The following PTPRS variants were observed in gnomAD, a reference collection of about 807,000 sequenced individuals.
PTPRS encodes protein tyrosine phosphatase receptor type S.
PTPRS carries 63 observed loss-of-function variants against 215.3 expected under a neutral mutation model. That is an observed-to-expected ratio of 0.29 (90% CI 0.24 to 0.36). The LOEUF is 0.36. Among genes scored for constraint, PTPRS ranks in the 10% least tolerant of loss-of-function variants. The pLI is 1.00. For missense variants in PTPRS, 2,258 were observed against 2,825.8 expected (o/e 0.80, Z 4.56); for synonymous variants, 1,404 against 1,191.4 (o/e 1.18, Z -3.68).
Position 5,218,479 on chromosome 19 carries a change from A to AG in PTPRS, c.3988dup (p.Leu1330ProfsTer16). The AG allele has an allele frequency of 6.2e-7, 1 of 1,614,060 alleles. No individual in the cohort carries two copies. Among genetic ancestry groups the AG allele is most frequent in the Non-Finnish European group, 8.5e-7 (1 of 1,180,004 alleles). ...AGGGTCCTTGGGGTGGTGAGGGGCG[A>AG]GGTCGGCATTGTTCAGGAGGCATTT... On this transcript the variant is annotated frameshift_variant, in exon 25 of 38. Transcript: ENST00000262963. LOFTEE classifies it high-confidence loss of function.
intron 1 of PTPRS, among the ~76,000 whole-genome samples, chr19:5,301,317 G>GT (rs200496781): frequency 0.21 from 28,856 of 137,368 alleles, 3,215 homozygotes; most frequent in Middle Eastern, 0.26. Flanking sequence ...AGTTGTTGCT[G>GT]TTTTTTTTTT....
intron 12 of PTPRS, among the ~76,000 whole-genome samples, chr19:5,239,626 CAG>C (rs1461452650): frequency 1.4e-5 from 2 of 147,738 alleles, no homozygotes; most frequent in African/African-American, 2.5e-5. Context: ...GAGAGACAGA[CAG>C]AAACGGAGGA....
At chr19:5,302,462 C>T (rs1159999398) in intron 1 of PTPRS, among the ~76,000 whole-genome samples, 2 of 152,108 alleles carry the variant, frequency 1.3e-5, no homozygotes, top group Admixed American at 1.3e-4. Flanking sequence ...AAGGAAGACC[C>T]AAAAGATTCT....
intron 4 of PTPRS, among the ~76,000 whole-genome samples, chr19:5,268,728 G>A (rs2046643515): frequency 6.6e-6 from 1 of 152,198 alleles, no homozygotes. Context: ...TCTCCTCCAA[G>A]CCTTTTCCAT....
In PTPRS at chr19:5,340,724, A is replaced by G. The variant is rs1006649562; in HGVS notation, c.-155T>C. 1.4e-5 allele frequency: 2 copies of G among 146,672 alleles called. No homozygotes were observed. Among genetic ancestry groups the G allele is most frequent in the African/African-American group, 5.1e-5 (2 of 39,198 alleles). 9.1% of individuals were successfully genotyped at this position (146,672 alleles called of 1,614,324 possible). A position where few individuals can be genotyped will look rare whatever the true frequency, so the allele number is the denominator to read the frequency against. The stretch of plus-strand genomic sequence containing the variant: ...CCCCGCTTCACATCGTGGCTGTTGC[A>G]TGGGATCCGAGCGGAGCCCGAGCGC... On this transcript the variant is annotated 5_prime_UTR_variant, in exon 1 of 38. It removes an upstream start codon present in the reference 5' UTR. Coordinates refer to ENST00000262963, the MANE Select transcript of PTPRS (RefSeq NM_002850.4).
intron 9 of PTPRS, among the ~76,000 whole-genome samples, chr19:5,246,947 A>G (rs1237196888): frequency 1.3e-5 from 2 of 149,506 alleles, no homozygotes; most frequent in Non-Finnish European, 3.0e-5. Flanking sequence ...GGAGGGAGGA[A>G]CTGCAGGGGG....
chr19:5,298,650 A>T (rs1237227152), intron 1 of PTPRS, among the ~76,000 whole-genome samples: 2 of 152,180 alleles, frequency 1.3e-5, no homozygotes, highest in Non-Finnish European at 1.5e-5. Flanking sequence ...TTCACATCAC[A>T]GCCCTGGCGC....
rs2042844631 is a variant in PTPRS at position 5,229,631 on chromosome 19, T to C, written c.2209A>G (p.Ile737Val). 3 of 1,361,022 alleles carry C rather than the reference T, an allele frequency of 2.2e-6. No individual in the cohort carries two copies. The highest frequency in any genetic ancestry group is 2.8e-6 in the Non-Finnish European group (3 of 1,060,476). 84.3% of individuals were successfully genotyped at this position (1,361,022 alleles called of 1,614,324 possible). A position where few individuals can be genotyped will look rare whatever the true frequency, so the allele number is the denominator to read the frequency against. The change falls in exon 15 of 38, where the codon ATC (isoleucine) becomes GTC (valine). Residue 737 changes from isoleucine to valine, a missense_variant. Around this residue, in one of 6 missense-constraint regions of PTPRS, gnomAD observed 371 missense variants for 446.7 expected, o/e 0.83. Coordinates refer to ENST00000262963, the MANE Select transcript of PTPRS (RefSeq NM_002850.4). ...VEAEALNATA[I>V]RVLWRSPAPG... ...GCGGGCGAGCGCCACAGCACGCGGA[T>C]GGCCGTGGCGTTGAGCGCCTCCGCC...
At chr19:5,302,783 C>A (rs1036699272) in intron 1 of PTPRS, among the ~76,000 whole-genome samples, 3 of 151,580 alleles carry the variant, frequency 2.0e-5, no homozygotes, top group African/African-American at 7.3e-5. Flanking sequence ...CTCGGCCAGG[C>A]GTGGTGGCTC....
intron 16 of PTPRS, among the ~76,000 whole-genome samples, chr19:5,226,732 G>A (rs527354512): frequency 7.1e-6 from 1 of 140,336 alleles, no homozygotes; most frequent in East Asian, 1.9e-4. Flanking sequence ...CTGGGTGACA[G>A]AGCAAGACTG....
rs1236534330 is a variant in PTPRS, at chr19:5,216,712, G to A, written c.4096+8C>T. 6.4e-7 allele frequency: 1 copy of A among 1,558,396 alleles called. No individual in the cohort carries two copies. The highest frequency in any genetic ancestry group is 1.2e-5 in the South Asian group (1 of 84,978). ...GAAAGGAAGCCAAAAACAGACACAA[G>A]AACTAACTTTCAAAGTGAAACCCCG... is the stretch of plus-strand genomic sequence containing the variant. On this transcript the variant is annotated splice_region_variant and intron_variant, in intron 26 of 37. Transcript: ENST00000262963.
rs771529966 is a variant in PTPRS, at chr19:5,229,321, C to CG, written c.2370dup (p.Glu791ArgfsTer3). Reference sequence around the variant, plus strand: ...TGGCCAGGGGCGCTACTTACATATTCGGCCGTGTCATCCGTCTCCCACTGA... The same window carrying CG: ...TGGCCAGGGGCGCTACTTACATATTCGGGCCGTGTCATCCGTCTCCCACTGA... On this transcript the variant is annotated frameshift_variant, in exon 16 of 38. Transcript: ENST00000262963. LOFTEE classifies it high-confidence loss of function. 5.8e-6 allele frequency: 8 copies of CG among 1,379,802 alleles called. No homozygotes were observed. The Admixed American group carries it at 2.5e-4, about 42-fold the overall frequency. 85.5% of individuals were successfully genotyped at this position (1,379,802 alleles called of 1,614,324 possible). A position where few individuals can be genotyped will look rare whatever the true frequency, so the allele number is the denominator to read the frequency against.
At chr19:5,228,345 G>GAAAAAAAAAAAA (rs1491502602) in intron 16 of PTPRS, among the ~76,000 whole-genome samples, 4,404 of 32,462 alleles carry the variant, frequency 0.14, 333 homozygotes, top group African/African-American at 0.22. Context: ...ACTCCGTCTG[G>GAAAAAAAAAAAA]AGAAAAAAAA....
chr19:5,222,734 G>T lies in PTPRS; in HGVS notation c.3058C>A (p.Pro1020Thr), dbSNP rs1306524101. The T allele has an allele frequency of 3.1e-6, 5 of 1,597,602 alleles. No homozygotes were observed. The Admixed American group carries it at 6.7e-5, about 21-fold the overall frequency. Reference sequence around the variant, plus strand: ...CGGTAGCGGACGGGGGGGCTGAAGGGGCCAGGGCCCCGGCGCGTGTGGGCT... The same window carrying T: ...CGGTAGCGGACGGGGGGGCTGAAGGTGCCAGGGCCCCGGCGCGTGTGGGCT... ...VRAHTRRGPG[P>T]FSPPVRYRTF... The change falls in exon 18 of 38, where the codon CCC becomes ACC. Residue 1020 changes from proline (P) to threonine (T), a missense_variant. This residue lies in a region of PTPRS where 361 missense variants were observed against 332.6 expected (regional missense o/e 1.09). Coordinates refer to ENST00000262963, the MANE Select transcript of PTPRS (RefSeq NM_002850.4).
chr19:5,277,078 G>C (rs4992198), intron 2 of PTPRS, among the ~76,000 whole-genome samples: 49,007 of 138,610 alleles, frequency 0.35, 8,635 homozygotes, highest in Admixed American at 0.42. Flanking sequence ...TTTTTTTTAA[G>C]AGACTGAGTC....
chr19:5,321,598 G>A (rs895709958), intron 1 of PTPRS, among the ~76,000 whole-genome samples: 3 of 152,244 alleles, frequency 2.0e-5, no homozygotes, highest in African/African-American at 4.8e-5. Context: ...CCCACTGTGT[G>A]CCAGGCCCAG....
intron 11 of PTPRS, among the ~76,000 whole-genome samples, chr19:5,241,737 C>T (rs1264345576): frequency 6.6e-6 from 1 of 152,186 alleles, no homozygotes. Flanking sequence ...AAGGGTCAAA[C>T]ACTCCCAGAG....
intron 13 of PTPRS, among the ~76,000 whole-genome samples, chr19:5,232,082 T>C (rs989536554): frequency 6.6e-6 from 1 of 151,736 alleles, no homozygotes; most frequent in African/African-American, 2.4e-5. Flanking sequence ...CATCTATTTG[T>C]TGAACATCTA....
At chr19:5,329,621 C>T (rs994931290) in intron 1 of PTPRS, among the ~76,000 whole-genome samples, 4 of 151,958 alleles carry the variant, frequency 2.6e-5, no homozygotes, top group African/African-American at 4.8e-5. Context: ...AAAAATTAGC[C>T]GGGTGTAATA....
Sources: gnomAD v4.1 joint callset for allele counts (sites outside exome capture counted in the v4.1 genomes callset) on GRCh38, gnomAD v4.1.1 for gene constraint, gnomAD v4.1.1 regional missense constraint, MANE v1.5 for transcripts, NCBI Gene and HGNC (gene_info 2026-07-23, HGNC 2026-07-21) for gene names.